The following SGO2 variants were observed in gnomAD, a reference collection of about 807,000 sequenced individuals.
The protein encoded by SGO2 is shugoshin 2, also known as shugoshin-like 2.
SGO2 carries 68 observed loss-of-function variants against 99.5 expected under a neutral mutation model. The ratio of observed to expected loss-of-function variants is 0.68; its 90% CI spans 0.56 to 0.84. The LOEUF is 0.84. Ranked by LOEUF, SGO2 falls within the 40% of genes least tolerant of loss-of-function variation. The probability of loss-of-function intolerance (pLI) is 0.00; values close to 1 mark genes in which losing one functional copy is unlikely to be tolerated. For missense variants in SGO2, 1,350 were observed against 1,436.7 expected (o/e 0.94, Z 0.97); for synonymous variants, 457 against 487.1 (o/e 0.94, Z 0.81).
chr2:200,579,188 G>A (rs1448555004), intron 8 of SGO2, among the ~76,000 whole-genome samples: 2 of 152,252 alleles, frequency 1.3e-5, no homozygotes, highest in Non-Finnish European at 2.9e-5. Flanking sequence ...AATGTTGTTC[G>A]TATATATGAA....
chr2:200,582,015 T>C lies in SGO2; in HGVS notation c.3783-1434T>C, dbSNP rs1026185451. Among the ~76,000 whole-genome samples the C allele has an allele frequency of 3.3e-5, 5 of 152,156 alleles. No homozygotes were observed. In the South Asian group the frequency reaches 1.0e-3, roughly 32 times the overall value. On this transcript the variant is annotated intron_variant, in intron 8 of 8. Coordinates refer to ENST00000357799, the MANE Select transcript of SGO2 (RefSeq NM_152524.6). ...CTTTTTAAATTTGGGACCATGTCTA[T>C]GTATTTCATCTAAAAACCACATTTA...
intron 1 of SGO2, among the ~76,000 whole-genome samples, chr2:200,531,384 C>T (rs1161461140): frequency 6.6e-6 from 1 of 151,948 alleles, no homozygotes; most frequent in Non-Finnish European, 1.5e-5. Context: ...ACAGTATATT[C>T]AAGGATGGGA....
At chr2:200,580,487 G>T in intron 8 of SGO2, 1 of 431,334 alleles carries the variant, frequency 2.3e-6, no homozygotes. Context: ...CTTTATTATT[G>T]TTGTTTTCCC....
At position 200,583,560 on chromosome 2, in the gene SGO2, GTTTT is replaced by G. The variant is rs3840472; in HGVS notation, c.*103_*106del. The G allele has an allele frequency of 2.1e-5, 22 of 1,060,244 alleles. No homozygotes were observed. Among genetic ancestry groups the G allele is most frequent in the Non-Finnish European group, 2.9e-5 (22 of 757,270 alleles). The allele number at this position is 1,060,244 out of a possible 1,614,324, so 65.7% of individuals were successfully genotyped here. A position where few individuals can be genotyped will look rare whatever the true frequency, so the allele number is the denominator to read the frequency against. ...AGAAGATGAAATGCTTAATGAAAAG[GTTTT>G]TTTTTTGTTTCTTTGGCCTTTCATG... On this transcript the variant is annotated 3_prime_UTR_variant, in exon 9 of 9. Transcript: ENST00000357799.
At chr2:200,580,201 T>G (rs2033794947) in intron 8 of SGO2, among the ~76,000 whole-genome samples, 2 of 152,146 alleles carry the variant, frequency 1.3e-5, no homozygotes, top group South Asian at 4.1e-4. Flanking sequence ...GATTTCAAAT[T>G]TATTTGCATA....
chr2:200,531,893 C>CT (rs1259006194), intron 1 of SGO2: 6 of 152,800 alleles, frequency 3.9e-5, no homozygotes, highest in Non-Finnish European at 8.8e-5. Context: ...CCTGTCTCTG[C>CT]TGTCTCTTGT....
At position 200,536,122 on chromosome 2, in the gene SGO2, G is replaced by C. The variant is rs1306511502; in HGVS notation, c.367G>C (p.Glu123Gln). 10 of 1,594,856 alleles carry C rather than the reference G, an allele frequency of 6.3e-6. No individual in the cohort carries two copies. The highest frequency in any genetic ancestry group is 7.7e-6 in the Non-Finnish European group (9 of 1,166,854). ...LMNNNLITAI[E>Q]MSSLSEFHQS... The stretch of plus-strand genomic sequence containing the variant: ...GAACAATAACTTGATAACTGCAATT[G>C]AAATGAGCAGTCTTTCTGAGGTAAG... The change falls in exon 4 of 9, where the codon GAA becomes CAA. Residue 123 changes from glutamate (E) to glutamine (Q), a missense_variant. By Grantham distance (29) the Glu-to-Gln change is conservative. Transcript: ENST00000357799.
chr2:200,573,285 A>C lies in SGO2; in HGVS notation c.2939A>C (p.Tyr980Ser). The C allele has an allele frequency of 6.2e-7, 1 of 1,606,826 alleles. No homozygotes were observed. Among genetic ancestry groups the C allele is most frequent in the African/African-American group, 1.3e-5 (1 of 74,624 alleles). ...AGTTGTGATCAAATTTTAGATTCCT[A>C]CAAAGTAGTTAAAAAACGTAAGAAA... The part of the protein sequence containing the change: ...KESCDQILDS[Y>S]KVVKKRKKES... Residue 980 changes from tyrosine to serine, a missense_variant, in exon 7 of 9, where the codon TAC becomes TCC. Physicochemically the swap from Tyr to Ser is moderately radical, Grantham distance 144. Transcript: ENST00000357799.
At chr2:200,541,669 A>G (rs553546004) in intron 4 of SGO2, among the ~76,000 whole-genome samples, 49 of 152,286 alleles carry the variant, frequency 3.2e-4, no homozygotes, top group African/African-American at 1.1e-3. Flanking sequence ...AGATCCAAAT[A>G]TGTCCTCCAC....
intron 1 of SGO2, among the ~76,000 whole-genome samples, chr2:200,527,622 C>G (rs1245685743): frequency 6.6e-6 from 1 of 152,190 alleles, no homozygotes; most frequent in East Asian, 1.9e-4. Context: ...AAAGGAGACC[C>G]ATTCCAAGAG....
At chr2:200,574,951 A>G (rs907241593) in intron 7 of SGO2, among the ~76,000 whole-genome samples, 5 of 152,038 alleles carry the variant, frequency 3.3e-5, no homozygotes, top group African/African-American at 9.7e-5. Context: ...AAAGAATTAC[A>G]AAGGTTTAGA....
intron 4 of SGO2, 63 bp from the exon 5 acceptor site, chr2:200,542,516 G>A: frequency 7.8e-7 from 1 of 1,278,072 alleles, no homozygotes; most frequent in Non-Finnish European, 1.1e-6. Context: ...ATTTGGTACT[G>A]TGATAACTAA....
At chr2:200,541,898 C>A (rs964399443) in intron 4 of SGO2, among the ~76,000 whole-genome samples, 185 of 152,278 alleles carry the variant, frequency 1.2e-3, no homozygotes, top group African/African-American at 4.3e-3. Flanking sequence ...ATCTATTTGT[C>A]TTATCATTAT....
chr2:200,546,543 G>A (rs575740692), intron 5 of SGO2, among the ~76,000 whole-genome samples: 1 of 152,018 alleles, frequency 6.6e-6, no homozygotes, highest in Non-Finnish European at 1.5e-5. Context: ...GAAATTTAGT[G>A]ACTGATGAAG....
chr2:200,582,798 A>G (rs1265054938), intron 8 of SGO2, among the ~76,000 whole-genome samples: 1 of 152,170 alleles, frequency 6.6e-6, no homozygotes, highest in Non-Finnish European at 1.5e-5. Context: ...CAGCAATCAG[A>G]CACAGAATAT....
chr2:200,535,897 G>T (rs757218680), intron 3 of SGO2, among the ~76,000 whole-genome samples, 168 bp from the exon 4 acceptor site: 1 of 151,776 alleles, frequency 6.6e-6, no homozygotes, highest in African/African-American at 2.4e-5. Flanking sequence ...ATACTATTTG[G>T]TACTATATAA....
chr2:200,566,203 T>C (rs1458224604), intron 5 of SGO2, among the ~76,000 whole-genome samples: 3 of 152,236 alleles, frequency 2.0e-5, no homozygotes, highest in Non-Finnish European at 2.9e-5. Context: ...TTTGTGGTTT[T>C]ATCTGCCTTT....
At chr2:200,529,766 G>C (rs1238980133) in intron 1 of SGO2, among the ~76,000 whole-genome samples, 1 of 152,140 alleles carries the variant, frequency 6.6e-6, no homozygotes, top group African/African-American at 2.4e-5. Flanking sequence ...GACCTCAGGT[G>C]ATCCACCCAC....
At chr2:200,536,175 C>A in intron 4 of SGO2, 33 bp downstream of exon 4, 1 of 1,296,874 alleles carries the variant, frequency 7.7e-7, no homozygotes, top group Non-Finnish European at 1.1e-6. Flanking sequence ...TAGTGTTGTT[C>A]TTTAGATTAC....
Sources: allele counts gnomAD v4.1 joint callset (sites outside exome capture counted in the v4.1 genomes callset), GRCh38; gene constraint gnomAD v4.1.1; transcripts MANE v1.5; gene names NCBI Gene and HGNC (gene_info 2026-07-23, HGNC 2026-07-21).